The following LRCH4 variants were observed in gnomAD, a reference collection of about 807,000 sequenced individuals.
LRCH4 encodes the protein leucine rich repeats and calponin homology domain containing 4, also known as leucine-rich repeat and calponin homology domain-containing protein 4.
LRCH4 carries 56 observed loss-of-function variants against 81.2 expected under a neutral mutation model. The observed-to-expected ratio is 0.69, with a 90% CI of 0.56 to 0.86. The LOEUF (loss-of-function observed/expected upper bound fraction) is 0.86, where lower values mean the gene tolerates loss of function less well. Among genes scored for constraint, LRCH4 ranks in the 40% least tolerant of loss-of-function variants. LRCH4 has a pLI of 0.00. For missense variants in LRCH4, 895 were observed against 922.8 expected (o/e 0.97, Z 0.39); for synonymous variants, 442 against 409.7 (o/e 1.08, Z -0.95).
Position 100,577,443 on chromosome 7 carries a change from C to A in LRCH4, c.1178+54G>T. 3 of 1,601,394 alleles carry A rather than the reference C, an allele frequency of 1.9e-6. No individual in the cohort carries two copies. Among genetic ancestry groups the A allele is most frequent in the South Asian group, 2.2e-5 (2 of 91,054 alleles). On this transcript the variant is annotated intron_variant, in intron 10 of 17. Transcript: ENST00000310300. This position sits in a 1 kb window ranked among gnomAD's most constrained non-coding sequence, Gnocchi z 6.7. The stretch of plus-strand genomic sequence containing the variant: ...CAGACCCCGGGGTCAGGGAAGGAGG[C>A]GGTTGGGGGGTGGGAGGATCGGGCA...
Position 100,577,665 on chromosome 7 carries a change from T to G in LRCH4, c.1115A>C (p.Glu372Ala), listed in dbSNP as rs763337889. 19 of 1,613,554 alleles carry G rather than the reference T, an allele frequency of 1.2e-5. No individual in the cohort carries two copies. Among genetic ancestry groups the G allele is most frequent in the Admixed American group, 6.7e-5 (4 of 60,008 alleles). The part of the protein sequence containing the change: ...PGEDEERGTV[E>A]EQRPPELSPG... ...GGAGAGGCATAGCTGGGCTCTCACCTCCACAGTGCCTCGCTCTTCATCCTC... is the reference window on the plus strand; with the variant it reads ...GGAGAGGCATAGCTGGGCTCTCACCGCCACAGTGCCTCGCTCTTCATCCTC... Residue 372 changes from glutamate to alanine, a missense_variant and splice_region_variant, in exon 9 of 18, where the codon GAG becomes GCG. By Grantham distance (107) the Glu-to-Ala change is moderately radical. Around this residue, in one of 3 missense-constraint regions of LRCH4, gnomAD observed 529 missense variants for 504.9 expected, o/e 1.05. Transcript: ENST00000310300. This position sits in a 1 kb window ranked among gnomAD's most constrained non-coding sequence, Gnocchi z 6.7.
rs781151933 is a variant in LRCH4 at position 100,583,347 on chromosome 7, G to A, written c.221-888C>T. ...TATCTGGAGCACTGCCTTGCTATGC[G>A]GAGGCTGGCAGCCTTGGGATTCCCT... is the stretch of plus-strand genomic sequence containing the variant. On this transcript the variant is annotated intron_variant, in intron 1 of 17. Transcript: ENST00000310300. This position sits in a 1 kb window ranked among gnomAD's most constrained non-coding sequence, Gnocchi z 4.3. Among the ~76,000 whole-genome samples, 2 of 152,168 alleles carry A rather than the reference G, an allele frequency of 1.3e-5. No homozygotes were observed. Among genetic ancestry groups the A allele is most frequent in the African/African-American group, 4.8e-5 (2 of 41,434 alleles).
chr7:100,582,205 G>T lies in LRCH4; in HGVS notation c.366-38C>A. 6.2e-7 allele frequency: 1 copy of T among 1,613,392 alleles called. No homozygotes were observed. Among genetic ancestry groups the T allele is most frequent in the Non-Finnish European group, 8.5e-7 (1 of 1,179,906 alleles). The stretch of plus-strand genomic sequence containing the variant: ...GAAAGGCAGCGGACTGGCTCCCCAG[G>T]CATGGCATCCCAGCACTGCCATCCT... On this transcript the variant is annotated intron_variant, in intron 2 of 17. Transcript: ENST00000310300. This position sits in a 1 kb window ranked among gnomAD's most constrained non-coding sequence, Gnocchi z 5.0.
Position 100,577,643 on chromosome 7 carries a change from G to A in LRCH4, c.1116+21C>T. 1 of 1,613,204 alleles carries A rather than the reference G, an allele frequency of 6.2e-7. No individual in the cohort carries two copies. ...CTCCTCCAGCTCCCCTCCCTTGGGA[G>A]AGGCATAGCTGGGCTCTCACCTCCA... On this transcript the variant is annotated intron_variant, in intron 9 of 17. Transcript: ENST00000310300. The surrounding 1 kb of genome is among the most constrained non-coding windows in gnomAD (Gnocchi z 6.7).
intron 1 of LRCH4, among the ~76,000 whole-genome samples, chr7:100,585,560 G>A (rs1004974404): frequency 1.3e-5 from 2 of 152,074 alleles, no homozygotes; most frequent in Non-Finnish European, 2.9e-5. Context: ...TTGGAGCTGA[G>A]GTTAAGAGAT....
chr7:100,577,364 G>T lies in LRCH4; in HGVS notation c.1204C>A (p.Arg402=). The T allele has an allele frequency of 6.3e-7, 1 of 1,599,680 alleles. No homozygotes were observed. The highest frequency in any genetic ancestry group is 8.5e-7 in the Non-Finnish European group (1 of 1,179,366). The change falls in exon 11 of 18, where the codon CGG becomes AGG. Residue 402 remains arginine (R), a synonymous_variant. Transcript: ENST00000310300. The surrounding 1 kb of genome is among the most constrained non-coding windows in gnomAD (Gnocchi z 6.7). ...AGCTGCAAGGTGTCCGGGCGCCGCCGCTCCTCCCCTGCCGGCTCCTCCCGC... is the reference window on the plus strand; with the variant it reads ...AGCTGCAAGGTGTCCGGGCGCCGCCTCTCCTCCCCTGCCGGCTCCTCCCGC... ...SRREEPAGEE[R]RRPDTLQLWQ...
In LRCH4 at chr7:100,577,695, G is replaced by A. The variant is rs1801416833; in HGVS notation, c.1085C>T (p.Pro362Leu). The change falls in exon 9 of 18, where the codon CCC becomes CTC. Residue 362 changes from proline to leucine, a missense_variant. This residue lies in a region of LRCH4 where 529 missense variants were observed against 504.9 expected (regional missense o/e 1.05). Coordinates refer to ENST00000310300, the MANE Select transcript of LRCH4 (RefSeq NM_002319.5). This position sits in a 1 kb window ranked among gnomAD's most constrained non-coding sequence, Gnocchi z 6.7. ...VQIDFIDSHV[P>L]GEDEERGTVE... ...AGTGCCTCGCTCTTCATCCTCCCCG[G>A]GGACATGGCTGTCGATGAAGTCAAT... is the stretch of plus-strand genomic sequence containing the variant. 1 of 1,613,984 alleles carries A rather than the reference G, an allele frequency of 6.2e-7. No individual in the cohort carries two copies. Among genetic ancestry groups the A allele is most frequent in the East Asian group, 2.2e-5 (1 of 44,882 alleles).
At chr7:100,584,845 G>T (rs73156210) in intron 1 of LRCH4, 24,592 of 451,888 alleles carry the variant, frequency 0.054, 841 homozygotes, top group Non-Finnish European at 0.069. Flanking sequence ...GTCCCCCACC[G>T]TGCAGATGAG....
intron 1 of LRCH4, among the ~76,000 whole-genome samples, chr7:100,585,550 T>C (rs866724999): frequency 3.0e-4 from 46 of 151,256 alleles, no homozygotes; most frequent in Non-Finnish European, 7.4e-5. Context: ...CATAGACCGA[T>C]TGGAGCTGAG....
Position 100,577,031 on chromosome 7 carries a change from A to T in LRCH4, c.1365-26T>A, listed in dbSNP as rs1801386547. On this transcript the variant is annotated intron_variant, in intron 12 of 17. Transcript: ENST00000310300. The surrounding 1 kb of genome is among the most constrained non-coding windows in gnomAD (Gnocchi z 6.7). ...CTGAGGAGAGACAGAAGGGAATTAGAGGGATGATGGTCATAGGAAGAGGAG... is the reference window on the plus strand; with the variant it reads ...CTGAGGAGAGACAGAAGGGAATTAGTGGGATGATGGTCATAGGAAGAGGAG... 6.2e-7 allele frequency: 1 copy of T among 1,613,886 alleles called. No individual in the cohort carries two copies. The highest frequency in any genetic ancestry group is 1.7e-5 in the Admixed American group (1 of 60,016).
rs1801603859 is a variant in LRCH4 at position 100,582,829 on chromosome 7, G to A, written c.221-370C>T. On this transcript the variant is annotated intron_variant, in intron 1 of 17. Transcript: ENST00000310300. The surrounding 1 kb of genome is among the most constrained non-coding windows in gnomAD (Gnocchi z 5.0). ...GGTGAGAGGAGGGGTCAGTGCTCAT[G>A]GGAAAACAGTAAGGCGAGGGGCTGG... 6.6e-6 allele frequency among the ~76,000 whole-genome samples: 1 copy of A among 152,176 alleles called. No individual in the cohort carries two copies. Among genetic ancestry groups the A allele is most frequent in the South Asian group, 2.1e-4 (1 of 4,830 alleles).
Position 100,577,994 on chromosome 7 carries a change from G to T in LRCH4, c.949-82C>A. ...CCTGGGGGGTCCTGTGTGGGACTAA[G>T]CTCAGGGTCTCTGCTGAGCCAGCCC... On this transcript the variant is annotated intron_variant, in intron 7 of 17. Coordinates refer to ENST00000310300, the MANE Select transcript of LRCH4 (RefSeq NM_002319.5). This position sits in a 1 kb window ranked among gnomAD's most constrained non-coding sequence, Gnocchi z 6.7. 1 of 1,354,416 alleles carries T rather than the reference G, an allele frequency of 7.4e-7. No individual in the cohort carries two copies. The highest frequency in any genetic ancestry group is 1.0e-6 in the Non-Finnish European group (1 of 957,114). The allele number at this position is 1,354,416 out of a possible 1,614,324, so 83.9% of individuals were successfully genotyped here. A position where few individuals can be genotyped will look rare whatever the true frequency, so the allele number is the denominator to read the frequency against.
Position 100,575,852 on chromosome 7 carries a change from T to C in LRCH4, c.1776+19A>G. 6.2e-7 allele frequency: 1 copy of C among 1,611,414 alleles called. No homozygotes were observed. Among genetic ancestry groups the C allele is most frequent in the Non-Finnish European group, 8.5e-7 (1 of 1,178,118 alleles). ...GGCGCCCCGGCCCATCCCCCACCTC[T>C]TCCCCAGCCCCAACTGACCACAGCA... On this transcript the variant is annotated intron_variant, in intron 16 of 17. Coordinates refer to ENST00000310300, the MANE Select transcript of LRCH4 (RefSeq NM_002319.5). The surrounding 1 kb of genome is among the most constrained non-coding windows in gnomAD (Gnocchi z 5.3).
chr7:100,577,993 A>G lies in LRCH4; in HGVS notation c.949-81T>C, dbSNP rs1425717369. The G allele has an allele frequency of 5.2e-6, 7 of 1,358,506 alleles. No individual in the cohort carries two copies. In the African/African-American group the frequency reaches 1.0e-4, roughly 20 times the overall value. 84.2% of individuals were successfully genotyped at this position (1,358,506 alleles called of 1,614,324 possible). Reference sequence around the variant, plus strand: ...ACCTGGGGGGTCCTGTGTGGGACTAAGCTCAGGGTCTCTGCTGAGCCAGCC... The same window carrying G: ...ACCTGGGGGGTCCTGTGTGGGACTAGGCTCAGGGTCTCTGCTGAGCCAGCC... On this transcript the variant is annotated intron_variant, in intron 7 of 17. Coordinates refer to ENST00000310300, the MANE Select transcript of LRCH4 (RefSeq NM_002319.5). This position sits in a 1 kb window ranked among gnomAD's most constrained non-coding sequence, Gnocchi z 6.7.
Position 100,575,568 on chromosome 7 carries a change from G to T in LRCH4, c.1854+137C>A. ...AGGGCAGGGGGCATGCAGGGCAGGG[G>T]GCATGCTGGGCAGGGCAGGGGCAGC... On this transcript the variant is annotated intron_variant, in intron 17 of 17. Coordinates refer to ENST00000310300, the MANE Select transcript of LRCH4 (RefSeq NM_002319.5). This position sits in a 1 kb window ranked among gnomAD's most constrained non-coding sequence, Gnocchi z 5.3. 9.4e-7 allele frequency: 1 copy of T among 1,064,736 alleles called. No homozygotes were observed. Among genetic ancestry groups the T allele is most frequent in the Non-Finnish European group, 1.5e-6 (1 of 684,990 alleles). 66.0% of individuals were successfully genotyped at this position (1,064,736 alleles called of 1,614,324 possible). A position where few individuals can be genotyped will look rare whatever the true frequency, so the allele number is the denominator to read the frequency against.
rs1801451904 is a variant in LRCH4 at position 100,578,842 on chromosome 7, G to A, written c.599-56C>T. The A allele has an allele frequency of 1.3e-6, 2 of 1,578,916 alleles. No homozygotes were observed. The highest frequency in any genetic ancestry group is 1.2e-5 in the South Asian group (1 of 85,584). On this transcript the variant is annotated intron_variant, in intron 4 of 17. Transcript: ENST00000310300. The surrounding 1 kb of genome is among the most constrained non-coding windows in gnomAD (Gnocchi z 5.7). The stretch of plus-strand genomic sequence containing the variant: ...AACATGCTCAGGGCTGTGGCCTCGT[G>A]CTCACTCCCTCACCCTTGGCTCCAG...
rs1258740670 is a variant in LRCH4, at chr7:100,575,931, C to T, written c.1716G>A (p.Gln572=). The T allele has an allele frequency of 6.2e-7, 1 of 1,611,668 alleles. No individual in the cohort carries two copies. ...EALASGVILC[Q]LANQLRPRSV... ...AGCGCGGCCGTAGCTGGTTGGCCAG[C>T]TGGCACAGGATGACCCCACTGGCCA... is the stretch of plus-strand genomic sequence containing the variant. The change falls in exon 16 of 18, where the codon CAG becomes CAA. Residue 572 remains glutamine (Q), a synonymous_variant. Coordinates refer to ENST00000310300, the MANE Select transcript of LRCH4 (RefSeq NM_002319.5). This position sits in a 1 kb window ranked among gnomAD's most constrained non-coding sequence, Gnocchi z 5.3.
rs1801414482 is a variant in LRCH4, at chr7:100,577,620, C to A, written c.1116+44G>T. 1.9e-6 allele frequency: 3 copies of A among 1,612,270 alleles called. No homozygotes were observed. The highest frequency in any genetic ancestry group is 2.5e-6 in the Non-Finnish European group (3 of 1,179,842). Reference sequence around the variant, plus strand: ...TGTGCCCACGCCTGCCCTGTCCCCTCCTCCAGCTCCCCTCCCTTGGGAGAG... The same window carrying A: ...TGTGCCCACGCCTGCCCTGTCCCCTACTCCAGCTCCCCTCCCTTGGGAGAG... On this transcript the variant is annotated intron_variant, in intron 9 of 17. Coordinates refer to ENST00000310300, the MANE Select transcript of LRCH4 (RefSeq NM_002319.5). The surrounding 1 kb of genome is among the most constrained non-coding windows in gnomAD (Gnocchi z 6.7).
At position 100,578,906 on chromosome 7, in the gene LRCH4, G is replaced by T; in HGVS notation, c.599-120C>A. On this transcript the variant is annotated intron_variant, in intron 4 of 17. Transcript: ENST00000310300. This position sits in a 1 kb window ranked among gnomAD's most constrained non-coding sequence, Gnocchi z 5.7. ...CTGGGCCCAGCACAGCCTCTCCCCTGGGTGGCTCAAGTCATTCCCCGGGAG... is the reference window on the plus strand; with the variant it reads ...CTGGGCCCAGCACAGCCTCTCCCCTTGGTGGCTCAAGTCATTCCCCGGGAG... The T allele has an allele frequency of 9.1e-7, 1 of 1,093,630 alleles. No individual in the cohort carries two copies. Among genetic ancestry groups the T allele is most frequent in the Non-Finnish European group, 1.3e-6 (1 of 764,228 alleles). The allele number at this position is 1,093,630 out of a possible 1,614,324, so 67.7% of individuals were successfully genotyped here. A position where few individuals can be genotyped will look rare whatever the true frequency, so the allele number is the denominator to read the frequency against.
Sources: gnomAD v4.1 joint callset for allele counts (sites outside exome capture counted in the v4.1 genomes callset) on GRCh38, gnomAD v4.1.1 for gene constraint, gnomAD v4.1.1 regional missense constraint, Gnocchi (gnomAD v3.1) non-coding constraint, MANE v1.5 for transcripts, NCBI Gene and HGNC (gene_info 2026-07-23, HGNC 2026-07-21) for gene names.